Variants in PCDHGB6 observed in about 807,000 individuals in gnomAD.
PCDHGB6 encodes the protein protocadherin gamma subfamily B, 6, also known as protocadherin gamma-B6.
Under a neutral mutation model 59.1 loss-of-function variants are expected in PCDHGB6, and 51 were observed. The observed-to-expected ratio is 0.86, with a 90% CI of 0.69 to 1.09. The LOEUF (loss-of-function observed/expected upper bound fraction) is 1.09, where lower values mean the gene tolerates loss of function less well. Among genes scored for constraint, PCDHGB6 ranks in the 50% least tolerant of loss-of-function variants. PCDHGB6 has a pLI of 0.00. For missense variants in PCDHGB6, 1,148 were observed against 1,205.1 expected, an observed-to-expected ratio of 0.95 and a Z score of 0.70; for synonymous variants, 466 against 495.1, an observed-to-expected ratio of 0.94 and a Z score of 0.78.
At position 141,408,863 on chromosome 5, in the gene PCDHGB6, C is replaced by T; in HGVS notation, c.661C>T (p.Pro221Ser). 6.2e-7 allele frequency: 1 copy of T among 1,613,604 alleles called. No homozygotes were observed. The highest frequency in any genetic ancestry group is 8.5e-7 in the Non-Finnish European group (1 of 1,179,806). Residue 221 changes from proline to serine, a missense_variant, in exon 1 of 4, where the codon CCA becomes TCA. Coordinates refer to ENST00000520790, the MANE Select transcript of PCDHGB6 (RefSeq NM_018926.3). ...ILTALDGGDP[P>S]RSATAHIEIS... Reference sequence around the variant, plus strand: ...GACTGCCTTGGACGGAGGGGACCCACCAAGAAGTGCCACCGCTCACATAGA... The same window carrying T: ...GACTGCCTTGGACGGAGGGGACCCATCAAGAAGTGCCACCGCTCACATAGA...
At chr5:141,419,299 C>T in intron 1 of PCDHGB6, 12 of 1,614,048 alleles carry the variant, frequency 7.4e-6, no homozygotes, top group Non-Finnish European at 1.0e-5. Flanking sequence ...CTGACCCAGA[C>T]TTCGGGCTCA....
chr5:141,422,070 A>G (rs1202364320), intron 1 of PCDHGB6: 3 of 1,612,480 alleles, frequency 1.9e-6, no homozygotes, highest in Non-Finnish European at 2.5e-6. Context: ...TAATGTATTC[A>G]TTTCGGAACA....
Position 141,431,046 on chromosome 5 carries a change from G to A in PCDHGB6, c.2418+20426G>A, listed in dbSNP as rs1324139757. 7 of 1,614,240 alleles carry A rather than the reference G, an allele frequency of 4.3e-6. 1 individual carries two copies. The Admixed American group carries it at 1.0e-4, about 23-fold the overall frequency. ...GGCAGGATAGACCGGGAGGAGCTCTGTATGGGGGCCATCAAGTGTCAATTA... is the reference window on the plus strand; with the variant it reads ...GGCAGGATAGACCGGGAGGAGCTCTATATGGGGGCCATCAAGTGTCAATTA... On this transcript the variant is annotated intron_variant, in intron 1 of 3. Transcript: ENST00000520790. The surrounding 1 kb of genome is among the most constrained non-coding windows in gnomAD (Gnocchi z 4.8).
chr5:141,492,740 C>T (rs1364102818), intron 1 of PCDHGB6, among the ~76,000 whole-genome samples: 1 of 152,238 alleles, frequency 6.6e-6, no homozygotes, highest in African/African-American at 2.4e-5. Context: ...GCCCAGTGGC[C>T]GAGGCGCGGC....
chr5:141,439,176 T>C (rs1044289122), intron 1 of PCDHGB6, among the ~76,000 whole-genome samples: 3 of 146,068 alleles, frequency 2.1e-5, no homozygotes, highest in African/African-American at 7.8e-5. Context: ...CTGGGCGACA[T>C]AGTGAGACTC....
intron 1 of PCDHGB6, among the ~76,000 whole-genome samples, chr5:141,483,834 A>G (rs2154580001): frequency 6.6e-6 from 1 of 152,212 alleles, no homozygotes; most frequent in South Asian, 2.1e-4. Flanking sequence ...CTAGGTAAGG[A>G]CTTGGTTGAA....
intron 1 of PCDHGB6, among the ~76,000 whole-genome samples, chr5:141,465,094 G>GT (rs138941665): frequency 0.11 from 15,577 of 148,094 alleles, 909 homozygotes; most frequent in African/African-American, 0.15. Flanking sequence ...TTTTCTAGTA[G>GT]TTTTTTTTTT....
Position 141,432,108 on chromosome 5 carries a change from C to G in PCDHGB6, c.2418+21488C>G. ...GTGGCAGACACCAACGACAACCCGC[C>G]GGTCTTCCCTCAGGCCTCCTATTCC... On this transcript the variant is annotated intron_variant, in intron 1 of 3. Coordinates refer to ENST00000520790, the MANE Select transcript of PCDHGB6 (RefSeq NM_018926.3). The surrounding 1 kb of genome is among the most constrained non-coding windows in gnomAD (Gnocchi z 6.0). 4 of 1,614,180 alleles carry G rather than the reference C, an allele frequency of 2.5e-6. No homozygotes were observed. The highest frequency in any genetic ancestry group is 3.4e-6 in the Non-Finnish European group (4 of 1,180,046).
intron 1 of PCDHGB6, among the ~76,000 whole-genome samples, chr5:141,469,345 G>A (rs2099197832): frequency 6.6e-6 from 1 of 152,128 alleles, no homozygotes; most frequent in Non-Finnish European, 1.5e-5. Context: ...GGGAGGCTGA[G>A]GTGGATGGAT....
In PCDHGB6 at chr5:141,485,792, G is replaced by A. The variant is rs114766079; in HGVS notation, c.2419-9015G>A. The A allele has an allele frequency of 6.2e-7, 1 of 1,614,236 alleles. No homozygotes were observed. Among genetic ancestry groups the A allele is most frequent in the East Asian group, 2.2e-5 (1 of 44,880 alleles). ...GCCTTTGGATCGAGAGAAGCAATCG[G>A]ACTACCGCCTGGTGCTGACTGCTGT... On this transcript the variant is annotated intron_variant, in intron 1 of 3. Coordinates refer to ENST00000520790, the MANE Select transcript of PCDHGB6 (RefSeq NM_018926.3). This position sits in a 1 kb window ranked among gnomAD's most constrained non-coding sequence, Gnocchi z 5.7.
rs537850909 is a variant in PCDHGB6 at position 141,441,865 on chromosome 5, G to A, written c.2418+31245G>A. ...CTTGGATATGGTGCTGCACGCCGCG[G>A]AGCCTGGCTACCTGGTCACCAAGGT... On this transcript the variant is annotated intron_variant, in intron 1 of 3. Coordinates refer to ENST00000520790, the MANE Select transcript of PCDHGB6 (RefSeq NM_018926.3). The A allele has an allele frequency of 4.0e-4, 138 of 345,718 alleles. 1 individual carries two copies. The Admixed American group carries it at 4.6e-3, about 12-fold the overall frequency. The allele number at this position is 345,718 out of a possible 1,614,324, so 21.4% of individuals were successfully genotyped here. A position where few individuals can be genotyped will look rare whatever the true frequency, so the allele number is the denominator to read the frequency against.
rs1460626002 is a variant in PCDHGB6, at chr5:141,486,935, C to A, written c.2419-7872C>A. ...ACTGCCTCCATCAGTTGGTGCTGGC[C>A]ACCTAATCACAAAGGTGACTGCTGT... On this transcript the variant is annotated intron_variant, in intron 1 of 3. Transcript: ENST00000520790. This position sits in a 1 kb window ranked among gnomAD's most constrained non-coding sequence, Gnocchi z 5.0. 5 of 1,614,228 alleles carry A rather than the reference C, an allele frequency of 3.1e-6. No individual in the cohort carries two copies. The highest frequency in any genetic ancestry group is 4.2e-6 in the Non-Finnish European group (5 of 1,180,038).
chr5:141,414,702 A>G, intron 1 of PCDHGB6: 1 of 1,613,974 alleles, frequency 6.2e-7, no homozygotes, highest in Non-Finnish European at 8.5e-7. Context: ...CCTCATACAT[A>G]TCCATCAACT....
intron 1 of PCDHGB6, chr5:141,421,591 G>T: frequency 6.2e-7 from 1 of 1,613,874 alleles, no homozygotes; most frequent in Non-Finnish European, 8.5e-7. Context: ...CGGAGTGGAG[G>T]TGGAAATAAT....
chr5:141,485,357 C>T lies in PCDHGB6; in HGVS notation c.2419-9450C>T. ...GCTGGATACGGACAGTCTGTCAGCT[C>T]GCAGGCTGCAGGTCGCTGGAGAGGT... On this transcript the variant is annotated intron_variant, in intron 1 of 3. Transcript: ENST00000520790. The surrounding 1 kb of genome is among the most constrained non-coding windows in gnomAD (Gnocchi z 5.7). 1.2e-6 allele frequency: 2 copies of T among 1,614,084 alleles called. No individual in the cohort carries two copies. The highest frequency in any genetic ancestry group is 1.1e-5 in the South Asian group (1 of 91,070).
At chr5:141,499,272 GT>G (rs772636179) in intron 2 of PCDHGB6, among the ~76,000 whole-genome samples, 3 of 152,122 alleles carry the variant, frequency 2.0e-5, no homozygotes, top group Non-Finnish European at 4.4e-5. Flanking sequence ...TCCCTAGACT[GT>G]TCTCTGATGG....
At chr5:141,455,041 T>C (rs971722465) in intron 1 of PCDHGB6, among the ~76,000 whole-genome samples, 2 of 151,234 alleles carry the variant, frequency 1.3e-5, no homozygotes, top group Non-Finnish European at 2.9e-5. Flanking sequence ...CTCGATCTCC[T>C]GACCTCGTGA....
At chr5:141,510,404 G>T (rs1596286932) in intron 3 of PCDHGB6, among the ~76,000 whole-genome samples, 2 of 152,252 alleles carry the variant, frequency 1.3e-5, no homozygotes, top group East Asian at 3.9e-4. Context: ...AAAGGCTAGG[G>T]GCATGTAAAG....
intron 1 of PCDHGB6, chr5:141,417,622 G>T (rs1036510827): frequency 1.5e-6 from 1 of 668,534 alleles, no homozygotes; most frequent in Non-Finnish European, 2.4e-6. Flanking sequence ...TGCAGAGCAA[G>T]CGCTGACGCC....
Sources: gnomAD v4.1 joint callset for allele counts (sites outside exome capture counted in the v4.1 genomes callset) on GRCh38, gnomAD v4.1.1 for gene constraint, Gnocchi (gnomAD v3.1) non-coding constraint, MANE v1.5 for transcripts, NCBI Gene and HGNC (gene_info 2026-07-23, HGNC 2026-07-21) for gene names.